Variants in COL4A1 observed in about 807,000 individuals in gnomAD.
COL4A1 encodes collagen type IV alpha 1 chain, also known as collagen alpha-1(IV) chain.
A neutral mutation model predicts 216.6 loss-of-function variants in COL4A1; 40 were observed. The ratio of observed to expected loss-of-function variants is 0.18; its 90% CI spans 0.14 to 0.24. The LOEUF is 0.24. Among genes scored for constraint, COL4A1 ranks in the 10% least tolerant of loss-of-function variants. The pLI, the probability that COL4A1 is intolerant of heterozygous loss-of-function variation, is 1.00. For missense variants in COL4A1, 1,628 were observed against 2,196.8 expected (o/e 0.74, Z 5.18); for synonymous variants, 839 against 810.7 (o/e 1.03, Z -0.59).
At chr13:110,285,011 C>T (rs1398354129) in intron 1 of COL4A1, among the ~76,000 whole-genome samples, 96 of 152,172 alleles carry the variant, frequency 6.3e-4, no homozygotes, top group Non-Finnish European at 8.8e-5. Context: ...CTTTCTGTAG[C>T]GAGGCACATG....
intron 8 of COL4A1, among the ~76,000 whole-genome samples, chr13:110,210,713 C>A (rs533928026): frequency 1.6e-4 from 25 of 152,310 alleles, no homozygotes; most frequent in African/African-American, 5.5e-4. Flanking sequence ...TTAAAATGAG[C>A]TTAACACTTA....
At position 110,207,105 on chromosome 13, in the gene COL4A1, C is replaced by T. The variant is rs1459718907; in HGVS notation, c.781-214G>A. On this transcript the variant is annotated intron_variant, in intron 13 of 51. Coordinates refer to ENST00000375820, the MANE Select transcript of COL4A1 (RefSeq NM_001845.6). The surrounding 1 kb of genome is among the most constrained non-coding windows in gnomAD (Gnocchi z 4.4). ...TGACCCATGATGACTGGCCCTGCCC[C>T]CCTCCTGCCCCCCAGCCCAGCTCCC... 6.6e-6 allele frequency among the ~76,000 whole-genome samples: 1 copy of T among 152,016 alleles called. No individual in the cohort carries two copies. The highest frequency in any genetic ancestry group is 6.6e-5 in the Admixed American group (1 of 15,248).
At chr13:110,172,170 G>C (rs1877675914) in intron 41 of COL4A1, among the ~76,000 whole-genome samples, 1 of 152,216 alleles carries the variant, frequency 6.6e-6, no homozygotes, top group Admixed American at 6.5e-5. Flanking sequence ...GCGGCCACCT[G>C]TGGCTTCTCT....
At chr13:110,222,583 C>T (rs547588794) in intron 2 of COL4A1, among the ~76,000 whole-genome samples, 1 of 138,612 alleles carries the variant, frequency 7.2e-6, no homozygotes, top group Non-Finnish European at 1.6e-5. Context: ...ACCATCCTGG[C>T]TAACATGGTG....
At chr13:110,300,355 G>A (rs1289927604) in intron 1 of COL4A1, among the ~76,000 whole-genome samples, 1 of 152,172 alleles carries the variant, frequency 6.6e-6, no homozygotes, top group African/African-American at 2.4e-5. Flanking sequence ...TCATCTCTAG[G>A]GATGAGTGTG....
At chr13:110,209,575 C>T in intron 10 of COL4A1, 148 bp from the exon 11 acceptor site, 1 of 700,564 alleles carries the variant, frequency 1.4e-6, no homozygotes. Context: ...TCCCTCCCCA[C>T]TCCTAGCAGG....
rs113836207 is a variant in COL4A1 at position 110,247,102 on chromosome 13, A to G, written c.85-4368T>C. Among the ~76,000 whole-genome samples, 962 of 152,234 alleles carry G rather than the reference A, an allele frequency of 6.3e-3. 9 individuals carry two copies. Among genetic ancestry groups the G allele is most frequent in the African/African-American group, 0.022 (933 of 41,520 alleles). On this transcript the variant is annotated intron_variant, in intron 1 of 51. Transcript: ENST00000375820. ...GGTTGGGGGTGAATTTATTATTTAT[A>G]CTCCTAAAACTGTAGACAAACTTAA...
chr13:110,276,416 G>C (rs1299098207), intron 1 of COL4A1, among the ~76,000 whole-genome samples: 3 of 152,120 alleles, frequency 2.0e-5, no homozygotes, highest in Non-Finnish European at 4.4e-5. Flanking sequence ...GGCCCCTGGG[G>C]AATGCGTCCT....
chr13:110,230,663 A>C (rs1445136502), intron 2 of COL4A1, among the ~76,000 whole-genome samples: 1 of 152,140 alleles, frequency 6.6e-6, no homozygotes, highest in African/African-American at 2.4e-5. Context: ...AAGGCCCCCA[A>C]AGAAGAAAAC....
chr13:110,227,387 GACACAC>G (rs373355054), intron 2 of COL4A1, among the ~76,000 whole-genome samples: 4,877 of 138,742 alleles, frequency 0.035, 96 homozygotes, highest in Middle Eastern at 0.13. Context: ...GGGTACGGTA[GACACAC>G]ACACACACAC....
intron 50 of COL4A1, 93 bp from the exon 51 acceptor site, chr13:110,152,599 C>G: frequency 7.1e-7 from 1 of 1,410,558 alleles, no homozygotes; most frequent in Non-Finnish European, 9.7e-7. Context: ...AGGGTGTTCC[C>G]TCTGGAAAGC....
chr13:110,289,676 T>G (rs1309475467), intron 1 of COL4A1, among the ~76,000 whole-genome samples: 1 of 152,184 alleles, frequency 6.6e-6, no homozygotes, highest in Non-Finnish European at 1.5e-5. Context: ...TATCTGTATT[T>G]TGGGTTAAAG....
intron 1 of COL4A1, among the ~76,000 whole-genome samples, chr13:110,299,266 T>C (rs1884401545): frequency 6.6e-6 from 1 of 152,146 alleles, no homozygotes; most frequent in Admixed American, 6.5e-5. Context: ...CCTCACCTGC[T>C]AGAAATGCAG....
intron 1 of COL4A1, among the ~76,000 whole-genome samples, chr13:110,287,633 G>A (rs1022930733): frequency 6.6e-6 from 1 of 152,228 alleles, no homozygotes; most frequent in African/African-American, 2.4e-5. Flanking sequence ...CCAGAAAGAA[G>A]CCGGCACGTC....
At chr13:110,213,905 C>T in intron 3 of COL4A1, 21 bp downstream of exon 3, 1 of 1,613,826 alleles carries the variant, frequency 6.2e-7, no homozygotes, top group South Asian at 1.1e-5. Context: ...CACCCACCCC[C>T]AATCCCACAG....
chr13:110,201,561 G>A, intron 18 of COL4A1, 39 bp from the exon 19 acceptor site: 6 of 1,526,268 alleles, frequency 3.9e-6, no homozygotes, highest in Non-Finnish European at 5.5e-6. Context: ...CCGTGGCATG[G>A]GAATGGCTAG....
intron 2 of COL4A1, among the ~76,000 whole-genome samples, chr13:110,230,665 G>C (rs1881004746): frequency 6.6e-6 from 1 of 152,176 alleles, no homozygotes; most frequent in African/African-American, 2.4e-5. Context: ...GGCCCCCAAA[G>C]AAGAAAACAC....
In COL4A1 at chr13:110,238,600, A is replaced by T. The variant is rs527354930; in HGVS notation, c.144+4075T>A. Among the ~76,000 whole-genome samples the T allele has an allele frequency of 3.0e-4, 45 of 152,224 alleles. 1 individual carries two copies. Among genetic ancestry groups the T allele is most frequent in the African/African-American group, 1.0e-3 (42 of 41,538 alleles). ...AAAGACTTTTGTATTTGTTTTCCCA[A>T]CAGATTCTCCTGGAATGTGATGGTT... On this transcript the variant is annotated intron_variant, in intron 2 of 51. Coordinates refer to ENST00000375820, the MANE Select transcript of COL4A1 (RefSeq NM_001845.6).
intron 1 of COL4A1, among the ~76,000 whole-genome samples, chr13:110,293,541 A>G (rs1350795296): frequency 6.6e-6 from 1 of 152,216 alleles, no homozygotes. Flanking sequence ...TTGAGATGGC[A>G]ATTGACTCTG....
Sources: gnomAD v4.1 joint callset for allele counts (sites outside exome capture counted in the v4.1 genomes callset) on GRCh38, gnomAD v4.1.1 for gene constraint, Gnocchi (gnomAD v3.1) non-coding constraint, MANE v1.5 for transcripts, NCBI Gene and HGNC (gene_info 2026-07-23, HGNC 2026-07-21) for gene names.